FOXP2: variants seen among roughly 807,000 people sequenced by gnomAD.
The protein encoded by FOXP2 is forkhead box protein P2.
FOXP2 carries 12 observed loss-of-function variants against 115.8 expected under a neutral mutation model. The observed-to-expected ratio is 0.10, with a 90% CI of 0.07 to 0.17. The LOEUF (loss-of-function observed/expected upper bound fraction) is 0.17. FOXP2 is among the 10% of genes least tolerant of loss of function. The pLI is 1.00. For synonymous variants in FOXP2, 328 were observed against 297.7 expected (o/e 1.10, Z -1.05); for missense variants, 629 against 843.5 (o/e 0.75, Z 3.15).
chr7:114,322,000 C>T (rs900805049), intron 2 of FOXP2, among the ~76,000 whole-genome samples: 12 of 147,968 alleles, frequency 8.1e-5, no homozygotes, highest in Middle Eastern at 3.3e-3. Context: ...AAAATAAATG[C>T]CGTGAGAATT....
intron 16 of FOXP2, among the ~76,000 whole-genome samples, chr7:114,672,133 T>C (rs1213552322): frequency 1.3e-5 from 2 of 152,174 alleles, no homozygotes; most frequent in African/African-American, 4.8e-5. Flanking sequence ...TGGAGTAAAA[T>C]CAGCAAGACA....
At chr7:114,328,184 G>T (rs887056751) in intron 2 of FOXP2, among the ~76,000 whole-genome samples, 1 of 150,672 alleles carries the variant, frequency 6.6e-6, no homozygotes, top group Non-Finnish European at 1.5e-5. Context: ...CTCCCAAAGT[G>T]CTGAGATTAC....
At chr7:114,408,017 G>T in intron 2 of FOXP2, among the ~76,000 whole-genome samples, 1 of 152,072 alleles carries the variant, frequency 6.6e-6, no homozygotes, top group Middle Eastern at 3.4e-3. Flanking sequence ...TATTTTCTTT[G>T]TTTCACTCTA....
At chr7:114,226,719 A>G (rs1794756997) in intron 1 of FOXP2, among the ~76,000 whole-genome samples, 6 of 152,058 alleles carry the variant, frequency 3.9e-5, no homozygotes, top group Admixed American at 3.9e-4. Context: ...TTGGTCTGAT[A>G]AGGTAGTGCA....
At chr7:114,267,777 AAATAAAAT>A (rs1183343385) in intron 1 of FOXP2, among the ~76,000 whole-genome samples, 5,310 of 142,640 alleles carry the variant, frequency 0.037, 227 homozygotes, top group African/African-American at 0.11. Context: ...ATAAATAAAT[AAATAAAAT>A]AAATATATAT....
At chr7:114,682,851 G>T (rs1808168057) in intron 16 of FOXP2, among the ~76,000 whole-genome samples, 1 of 152,036 alleles carries the variant, frequency 6.6e-6, no homozygotes, top group South Asian at 2.1e-4. Flanking sequence ...AATTATAATA[G>T]AAATTTTATT....
intron 2 of FOXP2, among the ~76,000 whole-genome samples, chr7:114,364,996 A>G (rs1442362962): frequency 6.6e-6 from 1 of 152,184 alleles, no homozygotes; most frequent in Non-Finnish European, 1.5e-5. Context: ...AATGTTGAGT[A>G]AGCTTTCAAA....
intron 3 of FOXP2, among the ~76,000 whole-genome samples, chr7:114,608,404 AT>A: frequency 6.6e-6 from 1 of 152,336 alleles, no homozygotes; most frequent in Admixed American, 6.5e-5. Flanking sequence ...TACCGTCTTC[AT>A]AGGCAGTTCA....
intron 3 of FOXP2, among the ~76,000 whole-genome samples, chr7:114,536,083 T>C (rs943152311): frequency 1.3e-4 from 20 of 151,464 alleles, no homozygotes; most frequent in Admixed American, 2.6e-4. Context: ...AAAATTTACA[T>C]AGAAGTCACA....
At chr7:114,267,619 C>T (rs932637564) in intron 1 of FOXP2, among the ~76,000 whole-genome samples, 2 of 151,352 alleles carry the variant, frequency 1.3e-5, no homozygotes, top group Non-Finnish European at 2.9e-5. Flanking sequence ...CCCAACTACT[C>T]GGGAGGCTGA....
chr7:114,675,158 A>G (rs1344780068), intron 16 of FOXP2, among the ~76,000 whole-genome samples: 2 of 152,124 alleles, frequency 1.3e-5, no homozygotes, highest in Non-Finnish European at 2.9e-5. Flanking sequence ...TGTCGTTTTC[A>G]TGAATCTACC....
chr7:114,562,181 C>T (rs1265684608), intron 3 of FOXP2, among the ~76,000 whole-genome samples: 1 of 152,176 alleles, frequency 6.6e-6, no homozygotes, highest in African/African-American at 2.4e-5. Flanking sequence ...AGCATTTGTT[C>T]TTCCATTTCC....
At chr7:114,124,528 A>G (rs538577870) in intron 1 of FOXP2, among the ~76,000 whole-genome samples, 1 of 152,044 alleles carries the variant, frequency 6.6e-6, no homozygotes, top group Non-Finnish European at 1.5e-5. Flanking sequence ...TGATTAACAC[A>G]TGACATAATC....
At position 114,302,779 on chromosome 7, in the gene FOXP2, C is replaced by G. The variant is rs570208848; in HGVS notation, c.-11+14670C>G. On this transcript the variant is annotated intron_variant, in intron 2 of 17. Coordinates refer to the FOXP2 transcript ENST00000634411. ...TGGAGCAAGTGATTATTCTGCTGGACTTGAATAAGCAAGCTGCCATGTTTT... is the reference window on the plus strand; with the variant it reads ...TGGAGCAAGTGATTATTCTGCTGGAGTTGAATAAGCAAGCTGCCATGTTTT... Among the ~76,000 whole-genome samples the G allele has an allele frequency of 2.6e-5, 4 of 152,230 alleles. No individual in the cohort carries two copies. In the East Asian group the frequency reaches 7.7e-4, roughly 29 times the overall value.
chr7:114,579,918 C>G (rs541132386), intron 3 of FOXP2, among the ~76,000 whole-genome samples: 6 of 152,018 alleles, frequency 3.9e-5, no homozygotes, highest in Non-Finnish European at 7.4e-5. Flanking sequence ...TCTATGCACT[C>G]TAAGGAGAGA....
chr7:114,427,865 T>A (rs1453827838), intron 2 of FOXP2, among the ~76,000 whole-genome samples: 2 of 151,672 alleles, frequency 1.3e-5, no homozygotes, highest in Non-Finnish European at 3.0e-5. Context: ...AGCTACATAG[T>A]ACTTTTGAAT....
chr7:114,228,360 T>C (rs1562825901), intron 1 of FOXP2, among the ~76,000 whole-genome samples: 1 of 151,960 alleles, frequency 6.6e-6, no homozygotes, highest in Non-Finnish European at 1.5e-5. Context: ...ATTGGTGCCT[T>C]TATTAGCTTT....
At chr7:114,612,242 T>G (rs1020905157) in intron 3 of FOXP2, among the ~76,000 whole-genome samples, 4 of 151,926 alleles carry the variant, frequency 2.6e-5, no homozygotes, top group African/African-American at 9.7e-5. Flanking sequence ...GGGAAGCAGC[T>G]CCTATATTAC....
intron 1 of FOXP2, among the ~76,000 whole-genome samples, chr7:114,241,153 C>A (rs188388307): frequency 6.6e-6 from 1 of 151,966 alleles, no homozygotes; most frequent in African/African-American, 2.4e-5. Flanking sequence ...ACACCAAGCA[C>A]TTATTGAGTG....
Sources: gnomAD v4.1 joint callset for allele counts (sites outside exome capture counted in the v4.1 genomes callset) on GRCh38, gnomAD v4.1.1 for gene constraint, MANE v1.5 for transcripts, NCBI Gene and HGNC (gene_info 2026-07-23, HGNC 2026-07-21) for gene names.